EEFSEC: variants seen among roughly 807,000 people sequenced by gnomAD.
The protein encoded by EEFSEC is selenocysteine-specific elongation factor.
Under a neutral mutation model 42.1 loss-of-function variants are expected in EEFSEC, and 43 were observed. The ratio of observed to expected loss-of-function variants is 1.02; its 90% CI spans 0.80 to 1.32. The LOEUF is 1.32. EEFSEC is among the 40% of genes most tolerant of loss of function. EEFSEC has a pLI of 0.00. For synonymous variants in EEFSEC, 354 were observed against 339.1 expected (o/e 1.04, Z -0.48); for missense variants, 745 against 803.6 (o/e 0.93, Z 0.88).
chr3:128,322,818 A>T (rs917994772), intron 4 of EEFSEC, among the ~76,000 whole-genome samples: 4 of 152,046 alleles, frequency 2.6e-5, no homozygotes, highest in Non-Finnish European at 4.4e-5. Flanking sequence ...GGTGGTTTGG[A>T]CCTTGCTGCC....
chr3:128,245,684 A>G (rs2066119573), intron 1 of EEFSEC, among the ~76,000 whole-genome samples: 1 of 152,166 alleles, frequency 6.6e-6, no homozygotes, highest in Non-Finnish European at 1.5e-5. Flanking sequence ...CCTGATTTCT[A>G]GTGTCTTCGA....
At chr3:128,175,507 C>G (rs1299435133) in intron 1 of EEFSEC, among the ~76,000 whole-genome samples, 1 of 152,120 alleles carries the variant, frequency 6.6e-6, no homozygotes, top group Non-Finnish European at 1.5e-5. Context: ...GTAGACCGAC[C>G]TTCTCGGTAA....
At chr3:128,398,606 C>T (rs7627566) in intron 6 of EEFSEC, among the ~76,000 whole-genome samples, 2,249 of 152,208 alleles carry the variant, frequency 0.015, 51 homozygotes, top group African/African-American at 0.051. Flanking sequence ...GCCCCGTGTC[C>T]GGGCCCTGGG....
chr3:128,192,158 C>CAA (rs2107804899), intron 1 of EEFSEC, among the ~76,000 whole-genome samples: 1 of 152,228 alleles, frequency 6.6e-6, no homozygotes, highest in Admixed American at 6.5e-5. Flanking sequence ...GTGCAGTGTG[C>CAA]AAATGTCTTA....
chr3:128,160,681 AAT>A (rs906446321), intron 1 of EEFSEC, among the ~76,000 whole-genome samples: 12 of 152,100 alleles, frequency 7.9e-5, no homozygotes, highest in African/African-American at 2.9e-4. Flanking sequence ...CCCCCTGTGG[AAT>A]ATGTTATTCC....
intron 1 of EEFSEC, among the ~76,000 whole-genome samples, chr3:128,243,305 A>G (rs1024360029): frequency 6.6e-6 from 1 of 152,168 alleles, no homozygotes; most frequent in Non-Finnish European, 1.5e-5. Context: ...GGTCCTATCT[A>G]TGCTTAGTTT....
chr3:128,170,809 A>G (rs920328565), intron 1 of EEFSEC, among the ~76,000 whole-genome samples: 2 of 152,250 alleles, frequency 1.3e-5, no homozygotes, highest in South Asian at 2.1e-4. Flanking sequence ...TTAAAAGTAC[A>G]TAATAAGAAA....
chr3:128,414,665 C>T, the EEFSEC span, among the ~76,000 whole-genome samples: 13 of 152,352 alleles, frequency 8.5e-5, no homozygotes, highest in Non-Finnish European at 1.5e-4. Flanking sequence ...CATCATTTAA[C>T]GTCACTACTA....
intron 2 of EEFSEC, among the ~76,000 whole-genome samples, chr3:128,255,683 G>T (rs771070690): frequency 5.3e-5 from 8 of 152,222 alleles, no homozygotes; most frequent in Non-Finnish European, 1.2e-4. Context: ...GTAAACAGAA[G>T]TGGGATTTGT....
intron 1 of EEFSEC, among the ~76,000 whole-genome samples, chr3:128,206,541 A>G (rs1261387747): frequency 6.6e-6 from 1 of 152,182 alleles, no homozygotes; most frequent in Non-Finnish European, 1.5e-5. Context: ...CCTGAAGGAA[A>G]GATGATGAGA....
chr3:128,153,619 A>G lies in EEFSEC; in HGVS notation c.112A>G (p.Lys38Glu). 1 of 1,596,772 alleles carries G rather than the reference A, an allele frequency of 6.3e-7. No individual in the cohort carries two copies. Among genetic ancestry groups the G allele is most frequent in the Non-Finnish European group, 8.5e-7 (1 of 1,177,316 alleles). ...CACAGCCTCCACCGCCGCCTTTGAC[A>G]AGCAGCCGCAGAGCCGCGAGCGCGG... Reference protein sequence around the residue: ...STTASTAAFDKQPQSRERGIT... With the variant: ...STTASTAAFDEQPQSRERGIT... Residue 38 changes from lysine to glutamate, a missense_variant, in exon 1 of 7, where the codon AAG (lysine) becomes GAG (glutamate). Lys to Glu is a moderately conservative substitution (Grantham distance 56). Transcript: ENST00000254730.
intron 6 of EEFSEC, among the ~76,000 whole-genome samples, chr3:128,390,338 G>A (rs1473192330): frequency 6.6e-6 from 1 of 152,212 alleles, no homozygotes; most frequent in African/African-American, 2.4e-5. Context: ...TGTGAGATGG[G>A]CATGGGCCCA....
At chr3:128,213,320 A>G (rs550169297) in intron 1 of EEFSEC, among the ~76,000 whole-genome samples, 1 of 152,366 alleles carries the variant, frequency 6.6e-6, no homozygotes, top group East Asian at 1.9e-4. Context: ...TGACGGGAAG[A>G]AAGTGCTTGG....
intron 4 of EEFSEC, among the ~76,000 whole-genome samples, chr3:128,267,307 G>A (rs1315561649): frequency 1.1e-4 from 16 of 152,302 alleles, no homozygotes; most frequent in Non-Finnish European, 4.4e-5. Context: ...CTATCAGGAT[G>A]CCAGTTACTG....
At chr3:128,236,962 A>C (rs972551091) in intron 1 of EEFSEC, among the ~76,000 whole-genome samples, 1 of 152,218 alleles carries the variant, frequency 6.6e-6, no homozygotes, top group Non-Finnish European at 1.5e-5. Flanking sequence ...TCTCGATTGC[A>C]AGGGGTAGGG....
At chr3:128,188,568 G>A (rs1030699385) in intron 1 of EEFSEC, among the ~76,000 whole-genome samples, 1 of 152,196 alleles carries the variant, frequency 6.6e-6, no homozygotes, top group Non-Finnish European at 1.5e-5. Context: ...TTGCAGACCA[G>A]GCCCTGGAAT....
At chr3:128,258,234 C>G (rs769131000) in intron 2 of EEFSEC, among the ~76,000 whole-genome samples, 5 of 152,132 alleles carry the variant, frequency 3.3e-5, no homozygotes, top group Non-Finnish European at 7.4e-5. Flanking sequence ...TGGGCTCAAT[C>G]TTCTGCTTTT....
intron 6 of EEFSEC, among the ~76,000 whole-genome samples, chr3:128,407,017 G>A (rs902494960): frequency 2.0e-5 from 3 of 152,172 alleles, no homozygotes; most frequent in African/African-American, 7.2e-5. Flanking sequence ...AATGGGAAGG[G>A]TGTTCCAGGC....
chr3:128,307,797 C>G (rs1330661289), intron 4 of EEFSEC, among the ~76,000 whole-genome samples: 2 of 152,216 alleles, frequency 1.3e-5, no homozygotes, highest in Non-Finnish European at 2.9e-5. Context: ...CACTAAGTCT[C>G]CTAGGGTCTT....
Sources: allele counts gnomAD v4.1 joint callset (sites outside exome capture counted in the v4.1 genomes callset), GRCh38; gene constraint gnomAD v4.1.1; transcripts MANE v1.5; gene names NCBI Gene and HGNC (gene_info 2026-07-23, HGNC 2026-07-21).